CNTN5: variants seen among roughly 807,000 people sequenced by gnomAD.
The protein encoded by CNTN5 is contactin 5, also known as contactin-5.
CNTN5 carries 77 observed loss-of-function variants against 129.1 expected under a neutral mutation model. That is an observed-to-expected ratio of 0.60 (90% CI 0.50 to 0.72). The LOEUF is 0.72. Ranked by LOEUF, CNTN5 falls within the 30% of genes least tolerant of loss-of-function variation. The pLI is 0.00. For missense variants in CNTN5, 1,478 were observed against 1,328.8 expected (o/e 1.11, Z -1.75); for synonymous variants, 509 against 465.6 (o/e 1.09, Z -1.20).
chr11:100,212,671 T>C (rs1475413048), intron 15 of CNTN5, among the ~76,000 whole-genome samples: 1 of 152,086 alleles, frequency 6.6e-6, no homozygotes, highest in Non-Finnish European at 1.5e-5. Flanking sequence ...TCTTCAAAGT[T>C]AAAAGGCTAG....
In CNTN5 at chr11:99,608,618, C is replaced by T. The variant is rs1464603537; in HGVS notation, c.55+52349C>T. Among the ~76,000 whole-genome samples, 3 of 152,088 alleles carry T rather than the reference C, an allele frequency of 2.0e-5. No homozygotes were observed. The East Asian group carries it at 5.8e-4, about 29-fold the overall frequency. On this transcript the variant is annotated intron_variant, in intron 3 of 24. Coordinates refer to ENST00000524871, the MANE Select transcript of CNTN5 (RefSeq NM_014361.4). ...AGAGACACAGGGAGATTAACATAGT[C>T]ATCTACAAGCCAAGTAGAGAGACCC...
intron 9 of CNTN5, among the ~76,000 whole-genome samples, chr11:100,031,203 C>T (rs1941690789): frequency 6.6e-6 from 1 of 152,164 alleles, no homozygotes; most frequent in African/African-American, 2.4e-5. Flanking sequence ...ACTTCTATAT[C>T]ACACGAAACT....
rs370435938 is a variant in CNTN5, at chr11:99,087,218, C to T, written c.-210+65948C>T. On this transcript the variant is annotated intron_variant, in intron 1 of 24. Coordinates refer to ENST00000524871, the MANE Select transcript of CNTN5 (RefSeq NM_014361.4). ...ATTCTCACATTGATTAACTCTTATG[C>T]TCTTAAAGAACAGAGAGGATACCTG... is the stretch of plus-strand genomic sequence containing the variant. Among the ~76,000 whole-genome samples the T allele has an allele frequency of 2.0e-5, 3 of 152,152 alleles. No homozygotes were observed. In the East Asian group the frequency reaches 5.8e-4, roughly 29 times the overall value.
At chr11:100,180,561 T>A (rs7946949) in intron 13 of CNTN5, among the ~76,000 whole-genome samples, 5,500 of 151,918 alleles carry the variant, frequency 0.036, 336 homozygotes, top group African/African-American at 0.13. Context: ...TGAACTAAGG[T>A]TAAACAAAGA....
chr11:99,131,812 A>G (rs1460532771), intron 1 of CNTN5, among the ~76,000 whole-genome samples: 1 of 152,202 alleles, frequency 6.6e-6, no homozygotes, highest in Admixed American at 6.5e-5. Context: ...GCTGAATTTT[A>G]CGAGAGGTAC....
chr11:99,940,807 T>G (rs1241346105), intron 7 of CNTN5, among the ~76,000 whole-genome samples: 1 of 152,074 alleles, frequency 6.6e-6, no homozygotes, highest in East Asian at 1.9e-4. Flanking sequence ...GCAGATAGAT[T>G]AAAGCATACA....
chr11:99,549,392 C>T (rs1336929852), intron 2 of CNTN5, among the ~76,000 whole-genome samples: 1 of 152,014 alleles, frequency 6.6e-6, no homozygotes, highest in Non-Finnish European at 1.5e-5. Flanking sequence ...ATTTGATTAC[C>T]CAGCTGTGTG....
At chr11:99,187,414 C>T in intron 1 of CNTN5, among the ~76,000 whole-genome samples, 1 of 124,528 alleles carries the variant, frequency 8.0e-6, no homozygotes, top group African/African-American at 3.1e-5. Context: ...CAAATTAATA[C>T]AAATTACAAT....
At chr11:100,287,320 T>C (rs1950820618) in intron 18 of CNTN5, among the ~76,000 whole-genome samples, 1 of 150,540 alleles carries the variant, frequency 6.6e-6, no homozygotes, top group South Asian at 2.1e-4. Flanking sequence ...TTCACCAAAG[T>C]TGAAATGAAG....
intron 2 of CNTN5, among the ~76,000 whole-genome samples, chr11:99,461,385 TATAACTA>T (rs1055393333): frequency 7.2e-5 from 11 of 152,096 alleles, no homozygotes; most frequent in African/African-American, 2.7e-4. Flanking sequence ...GTCATTCACT[TATAACTA>T]AAATAAATAT....
chr11:99,800,320 T>C (rs1450864057), intron 3 of CNTN5, among the ~76,000 whole-genome samples: 1 of 152,166 alleles, frequency 6.6e-6, no homozygotes, highest in Non-Finnish European at 1.5e-5. Context: ...ATATGGTTGC[T>C]ATAATTTCAT....
At chr11:99,084,178 C>T (rs1332644225) in intron 1 of CNTN5, among the ~76,000 whole-genome samples, 1 of 152,136 alleles carries the variant, frequency 6.6e-6, no homozygotes, top group African/African-American at 2.4e-5. Flanking sequence ...TCCTATCATA[C>T]AATACTGTGC....
chr11:99,135,005 T>C (rs947084618), intron 1 of CNTN5, among the ~76,000 whole-genome samples: 1 of 152,206 alleles, frequency 6.6e-6, no homozygotes, highest in African/African-American at 2.4e-5. Context: ...TTCTAAAATT[T>C]CTATGATGAA....
At chr11:100,137,246 C>T (rs1388234182) in intron 13 of CNTN5, among the ~76,000 whole-genome samples, 1 of 151,988 alleles carries the variant, frequency 6.6e-6, no homozygotes, top group Admixed American at 6.6e-5. Flanking sequence ...TTTTAATATT[C>T]AGGCTGTTTT....
chr11:99,471,149 TA>T (rs35399858), intron 2 of CNTN5, among the ~76,000 whole-genome samples: 16 of 148,450 alleles, frequency 1.1e-4, no homozygotes, highest in South Asian at 2.1e-4. Flanking sequence ...GTAATGTTGC[TA>T]AAAAAAAAAA....
chr11:100,224,152 A>G (rs1038655850), intron 15 of CNTN5, among the ~76,000 whole-genome samples: 4 of 152,140 alleles, frequency 2.6e-5, no homozygotes, highest in Admixed American at 2.0e-4. Context: ...TATGGGAGGA[A>G]TATGTCTTTG....
intron 2 of CNTN5, among the ~76,000 whole-genome samples, chr11:99,477,675 T>C (rs1262043486): frequency 6.6e-6 from 1 of 151,570 alleles, no homozygotes; most frequent in East Asian, 1.9e-4. Flanking sequence ...AGGGGCCGGG[T>C]GCAGTGGCTC....
chr11:99,671,612 C>G (rs180674882), intron 3 of CNTN5, among the ~76,000 whole-genome samples: 15 of 152,216 alleles, frequency 9.9e-5, no homozygotes, highest in African/African-American at 3.4e-4. Context: ...GGCTGAGGCA[C>G]ATTATCGAAT....
intron 1 of CNTN5, among the ~76,000 whole-genome samples, chr11:99,219,638 T>G (rs544127768): frequency 6.7e-6 from 1 of 148,862 alleles, no homozygotes; most frequent in Non-Finnish European, 1.5e-5. Flanking sequence ...TGGCAAAGAC[T>G]TTTTTGTCTT....
Sources: gnomAD v4.1 joint callset for allele counts (sites outside exome capture counted in the v4.1 genomes callset) on GRCh38, gnomAD v4.1.1 for gene constraint, MANE v1.5 for transcripts, NCBI Gene and HGNC (gene_info 2026-07-23, HGNC 2026-07-21) for gene names.